LRP1B: variants seen among roughly 807,000 people sequenced by gnomAD.
The protein encoded by LRP1B is low-density lipoprotein receptor-related protein 1B.
Under a neutral mutation model 556.6 loss-of-function variants are expected in LRP1B, and 217 were observed. That is an observed-to-expected ratio of 0.39 (90% CI 0.35 to 0.44). The LOEUF (loss-of-function observed/expected upper bound fraction) is 0.44, where lower values mean the gene tolerates loss of function less well. LRP1B is among the 20% of genes least tolerant of loss of function. The pLI, the probability that LRP1B is intolerant of heterozygous loss-of-function variation, is 1.00. For synonymous variants in LRP1B, 2,047 were observed against 1,865.8 expected, an observed-to-expected ratio of 1.10 and a Z score of -2.50; for missense variants, 5,053 against 5,620.8, an observed-to-expected ratio of 0.90 and a Z score of 3.23.
intron 8 of LRP1B, 125 bp downstream of exon 8, chr2:141,061,926 A>T: frequency 4.1e-6 from 3 of 723,382 alleles, no homozygotes; most frequent in Non-Finnish European, 7.1e-6. Context: ...AATATAGGAA[A>T]TATACTGTAA....
chr2:141,194,229 A>G (rs982098725), intron 6 of LRP1B, among the ~76,000 whole-genome samples: 7 of 152,112 alleles, frequency 4.6e-5, no homozygotes, highest in African/African-American at 1.7e-4. Context: ...TGCTCTCTAT[A>G]TATTTACATA....
chr2:141,614,080 CAAA>C (rs550183140), intron 2 of LRP1B, among the ~76,000 whole-genome samples: 9 of 47,346 alleles, frequency 1.9e-4, no homozygotes, highest in Admixed American at 7.2e-4. Flanking sequence ...AACTCAGCCT[CAAA>C]AAAAAAAAAA....
intron 35 of LRP1B, among the ~76,000 whole-genome samples, chr2:140,728,224 T>C: frequency 6.6e-6 from 1 of 152,172 alleles, no homozygotes; most frequent in East Asian, 1.9e-4. Context: ...ATCTTTCACA[T>C]TTTCTTAAGC....
At position 140,958,055 on chromosome 2, in the gene LRP1B, T is replaced by C. The variant is rs769108876; in HGVS notation, c.2888-6115A>G. Among the ~76,000 whole-genome samples, 101 of 151,448 alleles carry C rather than the reference T, an allele frequency of 6.7e-4. 2 individuals carry two copies. The highest frequency in any genetic ancestry group is 1.8e-4 in the Non-Finnish European group (12 of 67,566). ...GCCATGTAATAATATTTCAGAACAG[T>C]GACAGGGTGCTCAGGAAAGACATCA... On this transcript the variant is annotated intron_variant, in intron 18 of 90. Transcript: ENST00000389484.
intron 2 of LRP1B, among the ~76,000 whole-genome samples, chr2:141,664,073 G>A (rs960501308): frequency 6.6e-6 from 1 of 152,112 alleles, no homozygotes; most frequent in Non-Finnish European, 1.5e-5. Flanking sequence ...GGGATGCAAG[G>A]CTGGTTCAAC....
At chr2:140,365,646 T>C (rs899960515) in intron 71 of LRP1B, among the ~76,000 whole-genome samples, 3 of 151,668 alleles carry the variant, frequency 2.0e-5, no homozygotes, top group Middle Eastern at 3.4e-3. Flanking sequence ...ACAGTTAAAG[T>C]GATGTATAGC....
At chr2:141,264,294 T>C (rs1267151817) in intron 3 of LRP1B, among the ~76,000 whole-genome samples, 1 of 152,196 alleles carries the variant, frequency 6.6e-6, no homozygotes, top group Admixed American at 6.5e-5. Context: ...TGTCACTTGA[T>C]AATTTTCATT....
chr2:141,596,020 T>TAC (rs1196974835), intron 2 of LRP1B, among the ~76,000 whole-genome samples: 1 of 152,034 alleles, frequency 6.6e-6, no homozygotes, highest in Non-Finnish European at 1.5e-5. Context: ...AGAGACACAG[T>TAC]ACATATACCA....
intron 77 of LRP1B, among the ~76,000 whole-genome samples, chr2:140,338,703 A>C (rs1355032086): frequency 6.6e-6 from 1 of 151,746 alleles, no homozygotes; most frequent in Non-Finnish European, 1.5e-5. Context: ...TCAATCAGGT[A>C]AACACAAAAA....
intron 23 of LRP1B, among the ~76,000 whole-genome samples, chr2:140,891,630 A>G (rs1438214766): frequency 6.6e-6 from 1 of 152,118 alleles, no homozygotes; most frequent in Non-Finnish European, 1.5e-5. Context: ...CTGGCCCAAT[A>G]TATATCATGA....
At chr2:141,467,818 TTTGTTTG>T (rs1682291571) in intron 3 of LRP1B, among the ~76,000 whole-genome samples, 1 of 59,224 alleles carries the variant, frequency 1.7e-5, no homozygotes, top group Non-Finnish European at 5.0e-5. Flanking sequence ...TGTTTGTTTG[TTTGTTTG>T]TTTGTTTGCG....
At chr2:141,373,907 A>G (rs964236103) in intron 3 of LRP1B, among the ~76,000 whole-genome samples, 1 of 151,108 alleles carries the variant, frequency 6.6e-6, no homozygotes, top group Admixed American at 6.6e-5. Flanking sequence ...TTGCCATTTG[A>G]TTCATTTTTC....
chr2:140,878,968 G>A (rs1206610604), intron 25 of LRP1B, among the ~76,000 whole-genome samples: 3 of 145,176 alleles, frequency 2.1e-5, no homozygotes, highest in Non-Finnish European at 4.5e-5. Context: ...CAGCCTGGGT[G>A]ACAGAGCAAA....
At chr2:141,104,799 T>C (rs908650828) in intron 7 of LRP1B, among the ~76,000 whole-genome samples, 1 of 152,006 alleles carries the variant, frequency 6.6e-6, no homozygotes. Context: ...ATTCTCCCCT[T>C]TCTGGATTTT....
intron 14 of LRP1B, among the ~76,000 whole-genome samples, chr2:141,011,203 G>A: frequency 2.6e-5 from 3 of 116,922 alleles, no homozygotes; most frequent in Non-Finnish European, 3.7e-5. Context: ...TTATCCATAG[G>A]GAAAAAAAAA....
chr2:140,609,000 T>C lies in LRP1B; in HGVS notation c.6800-7361A>G, dbSNP rs114206064. Among the ~76,000 whole-genome samples the C allele has an allele frequency of 4.3e-3, 658 of 152,320 alleles. 6 individuals carry two copies. The highest frequency in any genetic ancestry group is 0.015 in the African/African-American group (637 of 41,570). ...CATGTCACTACTACTGGAAGGAAAG[T>C]AATACAAGCCATGAAAAGATTGAAC... On this transcript the variant is annotated intron_variant, in intron 41 of 90. Coordinates refer to ENST00000389484, the MANE Select transcript of LRP1B (RefSeq NM_018557.3).
chr2:141,185,687 C>CAAAAAAAAAAAACAAAAA (rs111914547), intron 7 of LRP1B, among the ~76,000 whole-genome samples: 1 of 132,174 alleles, frequency 7.6e-6, no homozygotes, highest in Non-Finnish European at 1.5e-5. Context: ...AACAAACAAA[C>CAAAAAAAAAAAACAAAAA]AAAAAAAAAC....
Position 140,543,748 on chromosome 2 carries a change from G to T in LRP1B, c.7195-1777C>A, listed in dbSNP as rs1680221817. ...GAAGTCAAACTGTATTTATTTGCAGGTGACTAAATCTTCTACATAAAAAAA... is the reference window on the plus strand; with the variant it reads ...GAAGTCAAACTGTATTTATTTGCAGTTGACTAAATCTTCTACATAAAAAAA... On this transcript the variant is annotated intron_variant, in intron 43 of 90. Transcript: ENST00000389484. Among the ~76,000 whole-genome samples, 11 of 151,906 alleles carry T rather than the reference G, an allele frequency of 7.2e-5. No homozygotes were observed. In the South Asian group the frequency reaches 2.3e-3, roughly 31 times the overall value.
intron 3 of LRP1B, among the ~76,000 whole-genome samples, chr2:141,282,296 G>A (rs1190847992): frequency 1.3e-5 from 2 of 151,898 alleles, no homozygotes; most frequent in African/African-American, 2.4e-5. Context: ...AGATAAATGA[G>A]CTTTATATTT....
Sources: gnomAD v4.1 joint callset for allele counts (sites outside exome capture counted in the v4.1 genomes callset) on GRCh38, gnomAD v4.1.1 for gene constraint, MANE v1.5 for transcripts, NCBI Gene and HGNC (gene_info 2026-07-23, HGNC 2026-07-21) for gene names.